LRRC31: variants seen among roughly 807,000 people sequenced by gnomAD.
LRRC31 encodes leucine-rich repeat-containing protein 31.
LRRC31 carries 35 observed loss-of-function variants against 46.7 expected under a neutral mutation model. The ratio of observed to expected loss-of-function variants is 0.75; its 90% CI spans 0.57 to 0.99. The LOEUF (loss-of-function observed/expected upper bound fraction) is 0.99, where lower values mean the gene tolerates loss of function less well. Among genes scored for constraint, LRRC31 ranks in the 50% least tolerant of loss-of-function variants. The probability of loss-of-function intolerance (pLI) is 0.00; values close to 1 mark genes in which losing one functional copy is unlikely to be tolerated. For missense variants in LRRC31, 613 were observed against 626.1 expected (o/e 0.98, Z 0.22); for synonymous variants, 236 against 235.1 (o/e 1.00, Z -0.03).
At position 169,851,528 on chromosome 3, in the gene LRRC31, C is replaced by T; in HGVS notation, c.1159+91G>A. 4.6e-6 allele frequency: 6 copies of T among 1,312,078 alleles called. No individual in the cohort carries two copies. The South Asian group carries it at 8.7e-5, about 19-fold the overall frequency. The allele number at this position is 1,312,078 out of a possible 1,614,324, so 81.3% of individuals were successfully genotyped here. On this transcript the variant is annotated intron_variant, in intron 7 of 8. Coordinates refer to ENST00000316428, the MANE Select transcript of LRRC31 (RefSeq NM_024727.4). Reference sequence around the variant, plus strand: ...AGAAGACAAATTAGTACTTCGCAAACTGGCTGAGCCTTGGAATGAAATGCA... The same window carrying T: ...AGAAGACAAATTAGTACTTCGCAAATTGGCTGAGCCTTGGAATGAAATGCA...
chr3:169,855,491 G>A (rs1230042282), intron 5 of LRRC31, among the ~76,000 whole-genome samples: 3 of 152,280 alleles, frequency 2.0e-5, no homozygotes, highest in African/African-American at 7.2e-5. Context: ...CTACACTTGA[G>A]CATCCTCTCC....
rs1780426231 is a variant in LRRC31, at chr3:169,840,824, A to G, written c.1328-511T>C. Among the ~76,000 whole-genome samples the G allele has an allele frequency of 2.6e-5, 4 of 152,364 alleles. No individual in the cohort carries two copies. In the South Asian group the frequency reaches 6.2e-4, roughly 24 times the overall value. On this transcript the variant is annotated intron_variant, in intron 8 of 8. Transcript: ENST00000316428. ...TGACAGTTTTCCTTTTGAATAGAAC[A>G]TATCAGTACTACCTACAATGGCACT...
intron 1 of LRRC31, among the ~76,000 whole-genome samples, chr3:169,866,699 C>A (rs189171736): frequency 1.6e-4 from 25 of 152,246 alleles, no homozygotes; most frequent in Non-Finnish European, 3.1e-4. Context: ...CCTGGCCAGG[C>A]CTGTAATCCC....
chr3:169,839,968 C>A lies in LRRC31; in HGVS notation c.*14G>T, dbSNP rs750936779. 1.3e-6 allele frequency: 2 copies of A among 1,586,702 alleles called. No homozygotes were observed. The highest frequency in any genetic ancestry group is 2.3e-5 in the South Asian group (2 of 87,446). On this transcript the variant is annotated 3_prime_UTR_variant, in exon 9 of 9. Coordinates refer to ENST00000316428, the MANE Select transcript of LRRC31 (RefSeq NM_024727.4). Reference sequence around the variant, plus strand: ...GAGAATGGTTTGTAGCTTAGTAGGACATGGGAAATCAGTTTACTGAAACCC... The same window carrying A: ...GAGAATGGTTTGTAGCTTAGTAGGAAATGGGAAATCAGTTTACTGAAACCC...
At chr3:169,867,074 A>C (rs1781357910) in intron 1 of LRRC31, among the ~76,000 whole-genome samples, 1 of 98,732 alleles carries the variant, frequency 1.0e-5, no homozygotes, top group Non-Finnish European at 1.8e-5. Context: ...TTTTTTTTTG[A>C]GGGTCTTGCT....
At chr3:169,846,395 ATC>A (rs1033788188) in intron 8 of LRRC31, among the ~76,000 whole-genome samples, 26 of 152,342 alleles carry the variant, frequency 1.7e-4, no homozygotes, top group Middle Eastern at 3.4e-3. Context: ...CACGCCTGTA[ATC>A]CCAGCATTTT....
At position 169,840,737 on chromosome 3, in the gene LRRC31, A is replaced by T. The variant is rs12330769; in HGVS notation, c.1328-424T>A. Among the ~76,000 whole-genome samples the T allele has an allele frequency of 5.3e-3, 805 of 152,296 alleles. 9 individuals carry two copies. The highest frequency in any genetic ancestry group is 0.018 in the African/African-American group (768 of 41,554). On this transcript the variant is annotated intron_variant, in intron 8 of 8. Transcript: ENST00000316428. ...TCATCCAGCAATTATTTAAATGAGC[A>T]TTTTCCATATGCAGAACATACCTGG...
chr3:169,851,870 A>C, intron 6 of LRRC31, 84 bp from the exon 7 acceptor site: 13 of 1,401,312 alleles, frequency 9.3e-6, no homozygotes, highest in Non-Finnish European at 1.3e-5. Context: ...AATCTGTTTA[A>C]TCTGTCAGTC....
At chr3:169,867,254 T>C (rs1781361984) in intron 1 of LRRC31, among the ~76,000 whole-genome samples, 2 of 141,560 alleles carry the variant, frequency 1.4e-5, no homozygotes, top group South Asian at 4.6e-4. Flanking sequence ...GTCTTTTTTT[T>C]TTTTTTTTTT....
intron 3 of LRRC31, among the ~76,000 whole-genome samples, chr3:169,860,212 CTT>C (rs1013028015): frequency 1.3e-5 from 2 of 151,396 alleles, no homozygotes; most frequent in African/African-American, 4.9e-5. Context: ...CAGCCTTGTT[CTT>C]TTTTTTCTTT....
chr3:169,843,759 A>G (rs1262815527), intron 8 of LRRC31, among the ~76,000 whole-genome samples: 1 of 152,230 alleles, frequency 6.6e-6, no homozygotes, highest in Non-Finnish European at 1.5e-5. Flanking sequence ...ACAAATTATC[A>G]ATATCAGGAA....
chr3:169,853,649 C>T (rs1780856113), intron 6 of LRRC31: 1 of 985,714 alleles, frequency 1.0e-6, no homozygotes, highest in Non-Finnish European at 1.2e-6. Flanking sequence ...CCACGCAAAG[C>T]TCAAAAAGGG....
chr3:169,854,738 T>C, intron 6 of LRRC31, 75 bp downstream of exon 6: 2 of 1,098,380 alleles, frequency 1.8e-6, no homozygotes. Context: ...TAAGTGTACA[T>C]ATTAAAATTT....
chr3:169,851,927 A>G (rs1003003857), intron 6 of LRRC31, 141 bp from the exon 7 acceptor site: 1 of 737,710 alleles, frequency 1.4e-6, no homozygotes, highest in African/African-American at 1.8e-5. Context: ...TACACCCCAA[A>G]CCAGCCTCTT....
At chr3:169,851,424 C>A (rs374189832) in intron 7 of LRRC31, among the ~76,000 whole-genome samples, 195 bp downstream of exon 7, 9 of 151,548 alleles carry the variant, frequency 5.9e-5, no homozygotes, top group South Asian at 2.1e-4. Context: ...ACAACAACAA[C>A]AAAAAAAACC....
intron 8 of LRRC31, 52 bp from the exon 9 acceptor site, chr3:169,840,365 TG>T (rs1560619922): frequency 6.4e-7 from 1 of 1,564,968 alleles, no homozygotes; most frequent in East Asian, 2.3e-5. Flanking sequence ...CTGTCTGCCA[TG>T]GCTATTCCCA....
At chr3:169,844,737 T>A (rs1403172414) in intron 8 of LRRC31, among the ~76,000 whole-genome samples, 2 of 152,046 alleles carry the variant, frequency 1.3e-5, no homozygotes, top group Admixed American at 6.6e-5. Flanking sequence ...ATCGAGACTA[T>A]CCTGACCAAC....
chr3:169,840,622 G>C (rs1207314482), intron 8 of LRRC31, among the ~76,000 whole-genome samples: 1 of 152,082 alleles, frequency 6.6e-6, no homozygotes, highest in East Asian at 1.9e-4. Context: ...TAAATGTAAA[G>C]AGTGATGGCT....
intron 3 of LRRC31, among the ~76,000 whole-genome samples, chr3:169,857,808 T>C (rs576476696): frequency 6.6e-6 from 1 of 152,298 alleles, no homozygotes; most frequent in Non-Finnish European, 1.5e-5. Context: ...CATGGTTTAT[T>C]CATTCCATGG....
Sources: gnomAD v4.1 joint callset for allele counts (sites outside exome capture counted in the v4.1 genomes callset) on GRCh38, gnomAD v4.1.1 for gene constraint, MANE v1.5 for transcripts, NCBI Gene and HGNC (gene_info 2026-07-23, HGNC 2026-07-21) for gene names.